Variants in IKZF1 observed in about 807,000 individuals in gnomAD.
IKZF1 encodes the protein IKAROS family zinc finger 1, also known as DNA-binding protein Ikaros.
Under a neutral mutation model 51.7 loss-of-function variants are expected in IKZF1, and 10 were observed. The ratio of observed to expected loss-of-function variants is 0.19; its 90% CI spans 0.12 to 0.33. The LOEUF is 0.33. Among genes scored for constraint, IKZF1 ranks in the 10% least tolerant of loss-of-function variants. The pLI, the probability that IKZF1 is intolerant of heterozygous loss-of-function variation, is 1.00. For synonymous variants in IKZF1, 280 were observed against 282.3 expected (o/e 0.99, Z 0.08); for missense variants, 484 against 707.5 (o/e 0.68, Z 3.58).
At chr7:50,333,922 G>T (rs1473461577) in intron 3 of IKZF1, among the ~76,000 whole-genome samples, 2 of 152,088 alleles carry the variant, frequency 1.3e-5, no homozygotes, top group Non-Finnish European at 2.9e-5. Context: ...AGATGATCCC[G>T]GTTGGAAAGC....
chr7:50,359,479 C>G (rs1177113646), intron 3 of IKZF1, among the ~76,000 whole-genome samples: 1 of 152,214 alleles, frequency 6.6e-6, no homozygotes, highest in African/African-American at 2.4e-5. Context: ...ATCTGACATT[C>G]CGAACAGTGG....
chr7:50,368,057 C>G (rs1356418605), intron 3 of IKZF1: 2 of 702,882 alleles, frequency 2.8e-6, no homozygotes, highest in Admixed American at 2.0e-5. Flanking sequence ...ATTCCCAAAT[C>G]TTTCTCTCGT....
intron 3 of IKZF1, among the ~76,000 whole-genome samples, chr7:50,366,882 A>G (rs1048557488): frequency 1.3e-5 from 2 of 152,196 alleles, no homozygotes; most frequent in Admixed American, 1.3e-4. Flanking sequence ...GCACATCCAT[A>G]TGGAGGCAAT....
chr7:50,313,038 GT>G (rs1362616757), intron 1 of IKZF1, among the ~76,000 whole-genome samples: 1 of 152,188 alleles, frequency 6.6e-6, no homozygotes, highest in African/African-American at 2.4e-5. Context: ...CTCTCAACCT[GT>G]TTTGTCAAAT....
intron 3 of IKZF1, among the ~76,000 whole-genome samples, chr7:50,331,187 A>G (rs1796368072): frequency 6.6e-6 from 1 of 152,206 alleles, no homozygotes; most frequent in Non-Finnish European, 1.5e-5. Flanking sequence ...AAATGAAGCT[A>G]TCGTAGCTTC....
chr7:50,371,769 C>T (rs1207511652), intron 3 of IKZF1, among the ~76,000 whole-genome samples: 1 of 152,252 alleles, frequency 6.6e-6, no homozygotes, highest in East Asian at 1.9e-4. Context: ...GTGACTGACT[C>T]TTCCAAACCT....
At chr7:50,335,640 G>T (rs938092533) in intron 3 of IKZF1, among the ~76,000 whole-genome samples, 1 of 151,330 alleles carries the variant, frequency 6.6e-6, no homozygotes, top group Non-Finnish European at 1.5e-5. Flanking sequence ...TGTGTGGTGT[G>T]TATGGGATGT....
intron 3 of IKZF1, among the ~76,000 whole-genome samples, chr7:50,359,334 T>C (rs1307315133): frequency 6.6e-6 from 1 of 152,222 alleles, no homozygotes; most frequent in Non-Finnish European, 1.5e-5. Flanking sequence ...ACAGGTGTGC[T>C]TCTTTGTTAA....
chr7:50,329,773 C>T (rs974156704), intron 3 of IKZF1, among the ~76,000 whole-genome samples: 6 of 152,268 alleles, frequency 3.9e-5, no homozygotes, highest in African/African-American at 1.4e-4. Flanking sequence ...ATCCATTAAC[C>T]ATGTAAATGA....
chr7:50,392,602 C>T (rs1171275812), intron 7 of IKZF1, among the ~76,000 whole-genome samples: 16 of 152,136 alleles, frequency 1.1e-4, no homozygotes, highest in Non-Finnish European at 2.9e-5. Flanking sequence ...AATGGCTCTG[C>T]CCCTAGAGCC....
chr7:50,390,081 T>G (rs1814593166), intron 6 of IKZF1, among the ~76,000 whole-genome samples: 1 of 152,254 alleles, frequency 6.6e-6, no homozygotes. Context: ...AAGTTTCTCT[T>G]GAGCCTTTGG....
chr7:50,336,189 G>C (rs1797728206), intron 3 of IKZF1, among the ~76,000 whole-genome samples: 1 of 152,124 alleles, frequency 6.6e-6, no homozygotes, highest in African/African-American at 2.4e-5. Context: ...GACTCAGTTG[G>C]CAAACGCCAT....
intron 5 of IKZF1, among the ~76,000 whole-genome samples, chr7:50,384,536 G>A (rs908105488): frequency 2.6e-5 from 4 of 152,258 alleles, no homozygotes; most frequent in African/African-American, 9.6e-5. Flanking sequence ...AGAGGGACAG[G>A]GAGAACAGGT....
At chr7:50,352,739 A>C (rs1802177541) in intron 3 of IKZF1, among the ~76,000 whole-genome samples, 1 of 152,240 alleles carries the variant, frequency 6.6e-6, no homozygotes, top group Non-Finnish European at 1.5e-5. Context: ...TCTATCACTT[A>C]AAGGAAGCCT....
chr7:50,379,893 A>G (rs756111895), intron 4 of IKZF1, among the ~76,000 whole-genome samples: 2 of 152,244 alleles, frequency 1.3e-5, no homozygotes, highest in African/African-American at 2.4e-5. Context: ...ACCTTCTTAC[A>G]GAGGGTTCCT....
intron 3 of IKZF1, among the ~76,000 whole-genome samples, chr7:50,331,612 A>G (rs1340043445): frequency 6.6e-6 from 1 of 152,218 alleles, no homozygotes; most frequent in African/African-American, 2.4e-5. Flanking sequence ...TAATAAACAA[A>G]TTGATGGGAA....
rs563374399 is a variant in IKZF1, at chr7:50,343,827, A to T, written c.160+16070A>T. 4.6e-5 allele frequency among the ~76,000 whole-genome samples: 7 copies of T among 152,250 alleles called. No individual in the cohort carries two copies. The South Asian group carries it at 1.4e-3, about 32-fold the overall frequency. ...CTCCCTGTTTTGATTACCTTCAGAG[A>T]CCCAAGCACTTGCTTTTGTATATTT... On this transcript the variant is annotated intron_variant, in intron 3 of 7. Coordinates refer to ENST00000331340, the MANE Select transcript of IKZF1 (RefSeq NM_006060.6).
intron 2 of IKZF1, among the ~76,000 whole-genome samples, chr7:50,325,862 T>C (rs1227951300): frequency 2.6e-5 from 4 of 152,228 alleles, no homozygotes; most frequent in Non-Finnish European, 4.4e-5. Flanking sequence ...ATGAACACTT[T>C]CACTCAATGT....
At chr7:50,359,258 C>G (rs1359777872) in intron 3 of IKZF1, among the ~76,000 whole-genome samples, 1 of 152,072 alleles carries the variant, frequency 6.6e-6, no homozygotes, top group Non-Finnish European at 1.5e-5. Flanking sequence ...AAGATCCTGT[C>G]TCAAAAAATA....
Sources: gnomAD v4.1 joint callset for allele counts (sites outside exome capture counted in the v4.1 genomes callset) on GRCh38, gnomAD v4.1.1 for gene constraint, MANE v1.5 for transcripts, NCBI Gene and HGNC (gene_info 2026-07-23, HGNC 2026-07-21) for gene names.